Variants in CCDC7 observed in about 807,000 individuals in gnomAD.
CCDC7 encodes the protein coiled-coil domain-containing protein 7.
In CCDC7, 183 loss-of-function variants were observed where a neutral mutation model predicts 196.9. The observed-to-expected ratio is 0.93, with a 90% confidence interval of 0.82 to 1.05. CCDC7 has a LOEUF of 1.05. CCDC7 is among the 50% of genes least tolerant of loss of function. The pLI is 0.00. For synonymous variants in CCDC7, 525 were observed against 484.6 expected (o/e 1.08, Z -1.10); for missense variants, 1,540 against 1,482.2 (o/e 1.04, Z -0.64).
intron 6 of CCDC7, among the ~76,000 whole-genome samples, chr10:32,471,887 GA>G (rs1564376646): frequency 6.6e-6 from 1 of 152,116 alleles, no homozygotes; most frequent in South Asian, 2.1e-4. Flanking sequence ...TTGGTTCAAA[GA>G]TTAAGGTTTA....
chr10:32,694,062 A>G (rs2077399048), intron 23 of CCDC7, among the ~76,000 whole-genome samples: 1 of 152,202 alleles, frequency 6.6e-6, no homozygotes, highest in Non-Finnish European at 1.5e-5. Flanking sequence ...GTAAGCCACC[A>G]TATTTGTGAT....
intron 15 of CCDC7, among the ~76,000 whole-genome samples, chr10:32,569,939 A>T (rs1309007056): frequency 1.3e-5 from 2 of 152,110 alleles, no homozygotes; most frequent in African/African-American, 4.8e-5. Context: ...AAATGTTAGT[A>T]GTTCTCTGGG....
chr10:32,523,570 G>T (rs969167077), intron 11 of CCDC7, among the ~76,000 whole-genome samples: 3 of 151,528 alleles, frequency 2.0e-5, no homozygotes, highest in African/African-American at 7.3e-5. Context: ...AAAACCGTAG[G>T]GTGTTTAAGT....
At chr10:32,647,452 G>A (rs942080817) in intron 20 of CCDC7, among the ~76,000 whole-genome samples, 2 of 8,692 alleles carry the variant, frequency 2.3e-4, no homozygotes, top group African/African-American at 4.0e-4. Flanking sequence ...AGAGGTTGCA[G>A]TGAGCTGAGA....
chr10:32,495,324 C>G (rs1241988043), intron 9 of CCDC7, among the ~76,000 whole-genome samples: 2 of 152,104 alleles, frequency 1.3e-5, no homozygotes. Context: ...CAAAAATCTT[C>G]TCCCATTCTG....
chr10:32,530,239 G>A (rs1290579902), intron 11 of CCDC7, among the ~76,000 whole-genome samples: 1 of 152,124 alleles, frequency 6.6e-6, no homozygotes, highest in African/African-American at 2.4e-5. Context: ...GCTTAGTCTT[G>A]CTTTGGCTAT....
At chr10:32,536,397 A>G (rs2050504991) in intron 11 of CCDC7, among the ~76,000 whole-genome samples, 1 of 152,094 alleles carries the variant, frequency 6.6e-6, no homozygotes, top group African/African-American at 2.4e-5. Context: ...TTCCCCTTAA[A>G]CATCCTCTAG....
At chr10:32,728,199 GA>G (rs1301638510) in intron 26 of CCDC7, among the ~76,000 whole-genome samples, 1 of 152,126 alleles carries the variant, frequency 6.6e-6, no homozygotes, top group East Asian at 1.9e-4. Flanking sequence ...TTAAGTTTAA[GA>G]AGAGTACATA....
At chr10:32,702,916 C>G (rs1366592275) in intron 24 of CCDC7, among the ~76,000 whole-genome samples, 1 of 152,062 alleles carries the variant, frequency 6.6e-6, no homozygotes, top group Non-Finnish European at 1.5e-5. Context: ...TGTCTCTGCA[C>G]GTGAGATGGG....
chr10:32,714,421 C>T (rs1370593752), intron 25 of CCDC7, among the ~76,000 whole-genome samples: 2 of 152,198 alleles, frequency 1.3e-5, no homozygotes, highest in African/African-American at 4.8e-5. Context: ...CAGGAGATTC[C>T]TTTGGGTGCC....
intron 16 of CCDC7, among the ~76,000 whole-genome samples, chr10:32,578,247 G>A (rs2058414043): frequency 6.6e-6 from 1 of 152,016 alleles, no homozygotes; most frequent in Non-Finnish European, 1.5e-5. Flanking sequence ...TGGGACTGGA[G>A]GCCCGATAAA....
intron 41 of CCDC7, among the ~76,000 whole-genome samples, chr10:32,867,016 A>T (rs1441909947): frequency 6.6e-6 from 1 of 151,694 alleles, no homozygotes; most frequent in African/African-American, 2.4e-5. Flanking sequence ...CAAATTGAAA[A>T]ATATTCTACA....
intron 32 of CCDC7, among the ~76,000 whole-genome samples, chr10:32,830,004 C>T (rs899250426): frequency 6.6e-6 from 1 of 150,388 alleles, no homozygotes. Flanking sequence ...AGTTTTGGGA[C>T]TTGACTGGCT....
At position 32,782,439 on chromosome 10, in the gene CCDC7, A is replaced by T. The variant is rs189509342; in HGVS notation, c.3013+3355A>T. On this transcript the variant is annotated intron_variant, in intron 29 of 41. Coordinates refer to ENST00000639629, the Ensembl canonical transcript of CCDC7. ...AACGGGGTTTCACTATGTTGTCCAG[A>T]CTGGTCTCAAACTCCTGACCTCAAG... Among the ~76,000 whole-genome samples, 753 of 152,172 alleles carry T rather than the reference A, an allele frequency of 4.9e-3. 1 individual carries two copies. The highest frequency in any genetic ancestry group is 7.9e-3 in the Non-Finnish European group (537 of 67,980).
chr10:32,830,121 GATATATAT>G, intron 32 of CCDC7, among the ~76,000 whole-genome samples: 1,056 of 50,662 alleles, frequency 0.021, 129 homozygotes, highest in African/African-American at 0.045. Context: ...TATATATAAG[GATATATAT>G]ATATATATAT....
chr10:32,677,524 C>G (rs1010072224), intron 21 of CCDC7, among the ~76,000 whole-genome samples: 1 of 152,000 alleles, frequency 6.6e-6, no homozygotes, highest in Non-Finnish European at 1.5e-5. Flanking sequence ...TTATTTCATT[C>G]AGTACTTTGA....
intron 9 of CCDC7, among the ~76,000 whole-genome samples, chr10:32,517,454 A>G (rs528360013): frequency 1.2e-4 from 18 of 152,194 alleles, no homozygotes; most frequent in South Asian, 2.1e-4. Flanking sequence ...CAGTGATCCA[A>G]TATTTCTAGG....
intron 25 of CCDC7, among the ~76,000 whole-genome samples, chr10:32,720,249 G>A (rs1437194225): frequency 6.6e-6 from 1 of 152,088 alleles, no homozygotes; most frequent in Non-Finnish European, 1.5e-5. Context: ...GCAGGGACAT[G>A]GATGAAGCTG....
chr10:32,455,870 A>C (rs1389589403), intron 2 of CCDC7, among the ~76,000 whole-genome samples: 1 of 152,192 alleles, frequency 6.6e-6, no homozygotes, highest in Admixed American at 6.5e-5. Flanking sequence ...GTTAGGTATC[A>C]TAGGTAGTAG....
Sources: allele counts gnomAD v4.1 joint callset (sites outside exome capture counted in the v4.1 genomes callset), GRCh38; gene constraint gnomAD v4.1.1; transcripts MANE v1.5; gene names NCBI Gene and HGNC (gene_info 2026-07-23, HGNC 2026-07-21).